The following CACNA1E variants were observed in gnomAD, a reference collection of about 807,000 sequenced individuals.
CACNA1E encodes calcium voltage-gated channel subunit alpha1 E.
Under a neutral mutation model 259.2 loss-of-function variants are expected in CACNA1E, and 40 were observed. The ratio of observed to expected loss-of-function variants is 0.15; its 90% CI spans 0.12 to 0.20. The LOEUF is 0.20. CACNA1E is among the 10% of genes least tolerant of loss of function. The pLI is 1.00. For missense variants in CACNA1E, 1,874 were observed against 3,040.1 expected (o/e 0.62, Z 9.02); for synonymous variants, 1,104 against 1,138.5 (o/e 0.97, Z 0.61).
At chr1:181,575,435 C>T (rs1650874764) in intron 3 of CACNA1E, among the ~76,000 whole-genome samples, 1 of 152,180 alleles carries the variant, frequency 6.6e-6, no homozygotes, top group South Asian at 2.1e-4. Context: ...TTGCTTCTCC[C>T]CCCAGTTCTT....
At chr1:181,449,427 G>A (rs1214485373) in intron 2 of CACNA1E, among the ~76,000 whole-genome samples, 1 of 152,096 alleles carries the variant, frequency 6.6e-6, no homozygotes, top group South Asian at 2.1e-4. Context: ...TCCAATTTGG[G>A]TACTGCTCTG....
intron 7 of CACNA1E, among the ~76,000 whole-genome samples, chr1:181,709,492 A>G (rs1162926116): frequency 2.6e-5 from 4 of 152,192 alleles, no homozygotes; most frequent in African/African-American, 9.7e-5. Flanking sequence ...TGTTGGCATT[A>G]TGGTAGACTG....
chr1:181,422,668 C>A (rs1198273304), intron 2 of CACNA1E, among the ~76,000 whole-genome samples: 2 of 152,168 alleles, frequency 1.3e-5, no homozygotes, highest in Non-Finnish European at 2.9e-5. Context: ...AGTACAGCAA[C>A]CTTTTTGAAT....
At chr1:181,566,537 A>G (rs1558133920) in intron 3 of CACNA1E, among the ~76,000 whole-genome samples, 1 of 152,168 alleles carries the variant, frequency 6.6e-6, no homozygotes, top group Non-Finnish European at 1.5e-5. Context: ...CTTTGTTTCT[A>G]TCATACTGAG....
chr1:181,364,097 T>C (rs1259425571), intron 1 of CACNA1E, among the ~76,000 whole-genome samples: 1 of 152,224 alleles, frequency 6.6e-6, no homozygotes, highest in East Asian at 1.9e-4. Context: ...TTGTAATGGC[T>C]GTTCCAGATT....
chr1:181,510,987 T>C (rs1279771628), intron 2 of CACNA1E, among the ~76,000 whole-genome samples: 3 of 152,236 alleles, frequency 2.0e-5, no homozygotes, highest in Non-Finnish European at 2.9e-5. Flanking sequence ...ATCTAACGTA[T>C]TCCCCCTAAA....
chr1:181,662,000 G>A (rs114030474), intron 7 of CACNA1E, among the ~76,000 whole-genome samples: 113 of 152,306 alleles, frequency 7.4e-4, no homozygotes, highest in Non-Finnish European at 9.8e-4. Flanking sequence ...GACGGCCATG[G>A]CACATGTAAC....
At chr1:181,394,600 T>G (rs1656523318) in intron 1 of CACNA1E, among the ~76,000 whole-genome samples, 1 of 151,332 alleles carries the variant, frequency 6.6e-6, no homozygotes, top group South Asian at 2.1e-4. Flanking sequence ...AGATGATAAG[T>G]GCTATGGGGG....
chr1:181,363,488 C>T (rs911754035), intron 1 of CACNA1E, among the ~76,000 whole-genome samples: 2 of 152,120 alleles, frequency 1.3e-5, no homozygotes, highest in East Asian at 3.9e-4. Context: ...CAAGGAAGTG[C>T]TTCGAGGAGA....
At chr1:181,737,484 G>A (rs1558327659) in intron 22 of CACNA1E, 41 bp from the exon 23 acceptor site, 2 of 1,610,238 alleles carry the variant, frequency 1.2e-6, no homozygotes, top group Non-Finnish European at 1.7e-6. Flanking sequence ...GCATGGGCGT[G>A]GTGGGGAGTG....
intron 1 of CACNA1E, among the ~76,000 whole-genome samples, chr1:181,401,146 C>T (rs1290683299): frequency 6.6e-6 from 1 of 152,202 alleles, no homozygotes; most frequent in Non-Finnish European, 1.5e-5. Flanking sequence ...CTTTTTCTGT[C>T]TTCCCTATAT....
intron 3 of CACNA1E, among the ~76,000 whole-genome samples, chr1:181,551,844 C>T (rs986188265): frequency 2.0e-5 from 3 of 152,126 alleles, no homozygotes; most frequent in Admixed American, 2.0e-4. Flanking sequence ...TCTCCTCTCT[C>T]CCTCACTTCT....
chr1:181,676,701 A>G (rs745541544), intron 7 of CACNA1E, among the ~76,000 whole-genome samples: 13 of 152,230 alleles, frequency 8.5e-5, no homozygotes, highest in African/African-American at 1.7e-4. Context: ...ATGATGTATA[A>G]GTGAACTAAT....
At position 181,581,344 on chromosome 1, in the gene CACNA1E, C is replaced by T. The variant is rs561922466; in HGVS notation, c.951+568C>T. ...TCTGATTCTCATATGTAGCCACTGTCAAGAACTACTGCATTACACACACAT... is the reference window on the plus strand; with the variant it reads ...TCTGATTCTCATATGTAGCCACTGTTAAGAACTACTGCATTACACACACAT... On this transcript the variant is annotated intron_variant, in intron 6 of 47. Coordinates refer to ENST00000367573, the MANE Select transcript of CACNA1E (RefSeq NM_001205293.3). 2.6e-5 allele frequency among the ~76,000 whole-genome samples: 4 copies of T among 152,296 alleles called. No individual in the cohort carries two copies. The South Asian group carries it at 8.3e-4, about 32-fold the overall frequency.
At chr1:181,694,502 T>A (rs4652672) in intron 7 of CACNA1E, among the ~76,000 whole-genome samples, 69,688 of 152,022 alleles carry the variant, frequency 0.46, 18,442 homozygotes, top group East Asian at 0.74. Flanking sequence ...ATGCCATTAT[T>A]GTGGGAGTGG....
chr1:181,604,544 T>C (rs747631194), intron 6 of CACNA1E, among the ~76,000 whole-genome samples: 1 of 152,238 alleles, frequency 6.6e-6, no homozygotes, highest in Non-Finnish European at 1.5e-5. Context: ...TAGGAGATCC[T>C]CTGCACAGTG....
chr1:181,384,681 T>C (rs1184297517), intron 1 of CACNA1E, among the ~76,000 whole-genome samples: 1 of 152,136 alleles, frequency 6.6e-6, no homozygotes, highest in Non-Finnish European at 1.5e-5. Flanking sequence ...TCTCCTCCTA[T>C]CTTGGAAGGG....
At chr1:181,488,133 A>G (rs1235867203) in intron 1 of CACNA1E, among the ~76,000 whole-genome samples, 3 of 152,108 alleles carry the variant, frequency 2.0e-5, no homozygotes, top group Non-Finnish European at 4.4e-5. Context: ...ATTTTGGAGG[A>G]TTTTGGTGAG....
At chr1:181,435,700 C>G (rs939564217) in intron 2 of CACNA1E, among the ~76,000 whole-genome samples, 1 of 152,166 alleles carries the variant, frequency 6.6e-6, no homozygotes, top group African/African-American at 2.4e-5. Context: ...TGAATGAATG[C>G]ATCCGCCTAC....
Sources: allele counts gnomAD v4.1 joint callset (sites outside exome capture counted in the v4.1 genomes callset), GRCh38; gene constraint gnomAD v4.1.1; transcripts MANE v1.5; gene names NCBI Gene and HGNC (gene_info 2026-07-23, HGNC 2026-07-21).